The following REEP5 variants were observed in gnomAD, a reference collection of about 807,000 sequenced individuals.
REEP5 encodes the protein receptor expression-enhancing protein 5.
Under a neutral mutation model 22.4 loss-of-function variants are expected in REEP5, and 24 were observed. That is an observed-to-expected ratio of 1.07 (90% CI 0.78 to 1.51). The LOEUF is 1.51. REEP5 is among the 40% of genes most tolerant of loss of function. REEP5 has a pLI of 0.00. For missense variants in REEP5, 252 were observed against 233.0 expected (o/e 1.08, Z -0.53); for synonymous variants, 103 against 88.6 (o/e 1.16, Z -0.92).
At chr5:112,880,835 GCTGGTAATC>G (rs1768051402) in intron 4 of REEP5, among the ~76,000 whole-genome samples, 1 of 152,156 alleles carries the variant, frequency 6.6e-6, no homozygotes, top group Non-Finnish European at 1.5e-5. Context: ...TTAAAAATAA[GCTGGTAATC>G]CTGGCTGGGC....
chr5:112,910,385 T>C (rs1312319773), intron 2 of REEP5, among the ~76,000 whole-genome samples: 2 of 152,182 alleles, frequency 1.3e-5, no homozygotes, highest in Admixed American at 6.5e-5. Context: ...GCGTAGTGGG[T>C]ACATGGGAAA....
At chr5:112,892,938 C>T in intron 3 of REEP5, 3 of 1,600,866 alleles carry the variant, frequency 1.9e-6, no homozygotes, top group Middle Eastern at 1.7e-4. Flanking sequence ...GAAATAGGCA[C>T]CGCAGCTGGG....
At position 112,922,211 on chromosome 5, in the gene REEP5, T is replaced by C. The variant is rs153556; in HGVS notation, c.-21A>G. 0.47 allele frequency: 745,613 copies of C among 1,597,234 alleles called. 178,151 individuals are homozygous for C. Among genetic ancestry groups the C allele is most frequent in the African/African-American group, 0.72 (53,036 of 73,612 alleles). ...GACATGGCGGGGACCGTCTCGCCGC[T>C]CGGGGCTGTTCCTAGTGCCGGATAG... On this transcript the variant is annotated 5_prime_UTR_variant, in exon 1 of 5. Transcript: ENST00000379638.
chr5:112,899,398 G>T (rs979152138), intron 3 of REEP5, among the ~76,000 whole-genome samples: 1 of 152,048 alleles, frequency 6.6e-6, no homozygotes, highest in East Asian at 1.9e-4. Flanking sequence ...TTCTGCCTTG[G>T]CCTCCGAGTA....
chr5:112,890,392 AG>A (rs1768401771), intron 3 of REEP5, among the ~76,000 whole-genome samples: 5 of 149,734 alleles, frequency 3.3e-5, no homozygotes, highest in Non-Finnish European at 5.9e-5. Context: ...TAAATAAAAA[AG>A]GGTTTCACTT....
At chr5:112,910,139 C>CT (rs1472306671) in intron 2 of REEP5, among the ~76,000 whole-genome samples, 1 of 152,164 alleles carries the variant, frequency 6.6e-6, no homozygotes, top group Non-Finnish European at 1.5e-5. Context: ...CCCGTCTCTA[C>CT]TAAAAATACA....
chr5:112,876,967 G>C lies in REEP5; in HGVS notation c.*1819C>G, dbSNP rs1191204154. Reference sequence around the variant, plus strand: ...TATATGCTGTCAATCTGATTATATAGTCTATATGCTAGAAGTTGCTGATTT... The same window carrying C: ...TATATGCTGTCAATCTGATTATATACTCTATATGCTAGAAGTTGCTGATTT... On this transcript the variant is annotated 3_prime_UTR_variant, in exon 5 of 5. Transcript: ENST00000379638. The C allele has an allele frequency of 4.0e-5, 6 of 151,676 alleles. No individual in the cohort carries two copies. The highest frequency in any genetic ancestry group is 7.4e-5 in the Non-Finnish European group (5 of 67,938). The allele number at this position is 151,676 out of a possible 1,614,324, so 9.4% of individuals were successfully genotyped here.
intron 2 of REEP5, among the ~76,000 whole-genome samples, chr5:112,914,733 G>C (rs1214404725): frequency 6.6e-6 from 1 of 152,066 alleles, no homozygotes; most frequent in Non-Finnish European, 1.5e-5. Context: ...CCTTAGATGC[G>C]GACCGCAGTC....
At position 112,921,196 on chromosome 5, in the gene REEP5, T is replaced by C; in HGVS notation, c.179A>G (p.Asn60Ser). The C allele has an allele frequency of 1.2e-6, 2 of 1,613,978 alleles. No individual in the cohort carries two copies. Among genetic ancestry groups the C allele is most frequent in the Non-Finnish European group, 1.7e-6 (2 of 1,180,006 alleles). ...GGCTGGGTAGCCAAATCCTATCAGG[T>C]TGCAGAGGAGAGAGGCTCCATAACC... Reference protein sequence around the residue: ...VFGYGASLLCNLIGFGYPAYI... With the variant: ...VFGYGASLLCSLIGFGYPAYI... Residue 60 changes from asparagine to serine, a missense_variant, in exon 2 of 5, where the codon AAC (asparagine) becomes AGC (serine). Transcript: ENST00000379638.
chr5:112,888,468 G>A (rs1315998431), intron 3 of REEP5, among the ~76,000 whole-genome samples: 1 of 152,144 alleles, frequency 6.6e-6, no homozygotes, highest in Admixed American at 6.5e-5. Context: ...TGTCACCCAG[G>A]CTGGAGTGCA....
At chr5:112,879,840 A>G (rs2150033024) in intron 4 of REEP5, among the ~76,000 whole-genome samples, 1 of 152,090 alleles carries the variant, frequency 6.6e-6, no homozygotes, top group Non-Finnish European at 1.5e-5. Context: ...GCACTTTGGG[A>G]GGCTGAGGTG....
At position 112,878,855 on chromosome 5, in the gene REEP5, G is replaced by A. The variant is rs6875646; in HGVS notation, c.521-20C>T. Reference sequence around the variant, plus strand: ...TCTTCGCTGTTTGTTTGTTAGGAGGGAAAGAAAAATATATCAAAGCTCTTT... The same window carrying A: ...TCTTCGCTGTTTGTTTGTTAGGAGGAAAAGAAAAATATATCAAAGCTCTTT... On this transcript the variant is annotated intron_variant, in intron 4 of 4. Transcript: ENST00000379638. 3.7e-6 allele frequency: 6 copies of A among 1,613,830 alleles called. No homozygotes were observed. In the Admixed American group the frequency reaches 1.0e-4, roughly 27 times the overall value.
At chr5:112,903,787 G>A (rs1580748135) in intron 2 of REEP5, among the ~76,000 whole-genome samples, 1 of 152,204 alleles carries the variant, frequency 6.6e-6, no homozygotes, top group Admixed American at 6.5e-5. Flanking sequence ...GAGGAAGACA[G>A]AGAGAGGAAC....
intron 3 of REEP5, 57 bp downstream of exon 3, chr5:112,902,323 C>T: frequency 6.7e-7 from 1 of 1,496,344 alleles, no homozygotes; most frequent in Non-Finnish European, 9.0e-7. Flanking sequence ...GCATTTATTC[C>T]TACTTCTTCT....
In REEP5 at chr5:112,877,519, C is replaced by T. The variant is rs1767934452; in HGVS notation, c.*1267G>A. The T allele has an allele frequency of 6.6e-6, 1 of 152,142 alleles. No individual in the cohort carries two copies. The allele number at this position is 152,142 out of a possible 1,614,324, so 9.4% of individuals were successfully genotyped here. Reference sequence around the variant, plus strand: ...TCTGTACTTACTATGTAGTCATGTGCAGCTTATCAACACAAAGAATACGGA... The same window carrying T: ...TCTGTACTTACTATGTAGTCATGTGTAGCTTATCAACACAAAGAATACGGA... On this transcript the variant is annotated 3_prime_UTR_variant, in exon 5 of 5. Coordinates refer to ENST00000379638, the MANE Select transcript of REEP5 (RefSeq NM_005669.5).
At chr5:112,879,318 A>C in intron 4 of REEP5, among the ~76,000 whole-genome samples, 1 of 19,032 alleles carries the variant, frequency 5.3e-5, no homozygotes. Context: ...CCCTTGATAT[A>C]TGTGTTTGGG....
intron 2 of REEP5, among the ~76,000 whole-genome samples, chr5:112,917,723 C>T (rs1344805770): frequency 6.6e-6 from 1 of 152,152 alleles, no homozygotes; most frequent in African/African-American, 2.4e-5. Flanking sequence ...TTTGTGCAAT[C>T]CCATTAGAAG....
At chr5:112,901,688 G>T (rs1405406559) in intron 3 of REEP5, among the ~76,000 whole-genome samples, 1 of 151,420 alleles carries the variant, frequency 6.6e-6, no homozygotes, top group African/African-American at 2.4e-5. Flanking sequence ...CTCTAGCCTG[G>T]GCAACAGACC....
chr5:112,918,695 C>CGGGA (rs1769284654), intron 2 of REEP5, among the ~76,000 whole-genome samples: 1 of 152,210 alleles, frequency 6.6e-6, no homozygotes, highest in Non-Finnish European at 1.5e-5. Context: ...TGCAAACTCC[C>CGGGA]TACCACCATC....
Sources: allele counts gnomAD v4.1 joint callset (sites outside exome capture counted in the v4.1 genomes callset), GRCh38; gene constraint gnomAD v4.1.1; transcripts MANE v1.5; gene names NCBI Gene and HGNC (gene_info 2026-07-23, HGNC 2026-07-21).